Variants in RAB5IF observed in about 807,000 individuals in gnomAD.
The protein encoded by RAB5IF is RAB5 interacting factor, also known as GEL complex subunit OPTI.
Under a neutral mutation model 20.3 loss-of-function variants are expected in RAB5IF, and 15 were observed. The observed-to-expected ratio is 0.74, with a 90% CI of 0.50 to 1.14. The LOEUF is 1.14. RAB5IF is among the 50% of genes most tolerant of loss of function. RAB5IF has a pLI of 0.00. For synonymous variants in RAB5IF, 67 were observed against 63.7 expected (o/e 1.05, Z -0.25); for missense variants, 148 against 159.5 (o/e 0.93, Z 0.39).
intron 3 of RAB5IF, 150 bp from the exon 4 acceptor site, chr20:36,611,860 G>A (rs892925452): frequency 2.9e-6 from 3 of 1,020,422 alleles, no homozygotes; most frequent in Non-Finnish European, 4.4e-6. Context: ...CGTGATTTCA[G>A]TGAAATAATT....
At chr20:36,607,587 C>G (rs991600431) in intron 1 of RAB5IF, 128 bp from the exon 2 acceptor site, 2 of 1,028,358 alleles carry the variant, frequency 1.9e-6, no homozygotes, top group African/African-American at 3.2e-5. Context: ...ACAGGAAGCA[C>G]ATACTGTTGC....
chr20:36,609,204 C>T (rs1391103783), intron 2 of RAB5IF, among the ~76,000 whole-genome samples: 38 of 57,166 alleles, frequency 6.6e-4, no homozygotes, highest in Non-Finnish European at 1.1e-3. Context: ...CGCACACACG[C>T]ACACACGCAC....
chr20:36,607,067 C>T (rs1409891464), intron 1 of RAB5IF, among the ~76,000 whole-genome samples: 2 of 152,136 alleles, frequency 1.3e-5, no homozygotes, highest in African/African-American at 4.8e-5. Flanking sequence ...CCTGAGTCGT[C>T]TGTGTTCTTC....
At chr20:36,609,209 A>ACACACACACACC (rs2039031838) in intron 2 of RAB5IF, among the ~76,000 whole-genome samples, 1 of 63,918 alleles carries the variant, frequency 1.6e-5, no homozygotes, top group Non-Finnish European at 2.9e-5. Context: ...ACACGCACAC[A>ACACACACACACC]CGCACACACG....
chr20:36,608,850 C>T (rs138732544), intron 2 of RAB5IF, among the ~76,000 whole-genome samples: 2,866 of 152,022 alleles, frequency 0.019, 96 homozygotes, highest in African/African-American at 0.066. Context: ...TAGGCATGAG[C>T]CACCATGCCC....
intron 1 of RAB5IF, among the ~76,000 whole-genome samples, chr20:36,607,487 C>CCCAAAGTG (rs556961179): frequency 6.6e-6 from 1 of 152,142 alleles, no homozygotes; most frequent in Non-Finnish European, 1.5e-5. Context: ...GCCTCGGCCT[C>CCCAAAGTG]CCAAAGTGCT....
At position 36,612,324 on chromosome 20, in the gene RAB5IF, A is replaced by C. The variant is rs1228789064; in HGVS notation, c.*273A>C. The C allele has an allele frequency of 3.6e-6, 4 of 1,100,948 alleles. No homozygotes were observed. Among genetic ancestry groups the C allele is most frequent in the African/African-American group, 1.6e-5 (1 of 64,374 alleles). The allele number at this position is 1,100,948 out of a possible 1,614,324, so 68.2% of individuals were successfully genotyped here. A position where few individuals can be genotyped will look rare whatever the true frequency, so the allele number is the denominator to read the frequency against. The stretch of plus-strand genomic sequence containing the variant: ...CATCAAGTAACAGCTATTATTTGCC[A>C]AGTGGAGCTGTCATTTAATTTGATG... On this transcript the variant is annotated 3_prime_UTR_variant, in exon 4 of 4. Transcript: ENST00000344795.
chr20:36,607,320 C>T (rs1172147029), intron 1 of RAB5IF, among the ~76,000 whole-genome samples: 1 of 151,154 alleles, frequency 6.6e-6, no homozygotes, highest in Non-Finnish European at 1.5e-5. Flanking sequence ...CCTCCACCTC[C>T]CAGGTTCAAG....
intron 3 of RAB5IF, among the ~76,000 whole-genome samples, chr20:36,611,589 T>TATG (rs1449301262): frequency 6.6e-6 from 1 of 151,370 alleles, no homozygotes; most frequent in Non-Finnish European, 1.5e-5. Context: ...GGGGCATCTA[T>TATG]ATGTTTTTTT....
At chr20:36,611,888 CTG>C (rs961200481) in intron 3 of RAB5IF, 120 bp from the exon 4 acceptor site, 13 of 1,281,060 alleles carry the variant, frequency 1.0e-5, no homozygotes, top group South Asian at 1.3e-5. Context: ...CCCAAGCAGA[CTG>C]TGCAACGGAT....
At chr20:36,608,007 C>G in intron 2 of RAB5IF, 189 bp downstream of exon 2, 1 of 1,462,270 alleles carries the variant, frequency 6.8e-7, no homozygotes, top group Non-Finnish European at 9.1e-7. Flanking sequence ...TCAGGTCAGG[C>G]AGGTTACCTT....
At chr20:36,606,214 G>A (rs1040722031) in intron 1 of RAB5IF, 149 bp downstream of exon 1, 4 of 460,098 alleles carry the variant, frequency 8.7e-6, no homozygotes, top group Non-Finnish European at 1.5e-5. Flanking sequence ...GAGCAAACTT[G>A]GCGGGCACTG....
intron 1 of RAB5IF, 147 bp from the exon 2 acceptor site, chr20:36,607,568 A>G: frequency 2.4e-6 from 2 of 825,500 alleles, no homozygotes; most frequent in East Asian, 2.9e-5. Flanking sequence ...AGTATAAGTA[A>G]GAGGTGAAAC....
intron 3 of RAB5IF, among the ~76,000 whole-genome samples, chr20:36,611,150 C>T (rs1055273756): frequency 2.6e-5 from 4 of 151,934 alleles, no homozygotes; most frequent in Non-Finnish European, 4.4e-5. Context: ...CCACCATGCC[C>T]GGATATTTTT....
chr20:36,612,443 G>A lies in RAB5IF; in HGVS notation c.*392G>A, dbSNP rs1197610374. The A allele has an allele frequency of 3.4e-6, 2 of 591,484 alleles. No homozygotes were observed. The highest frequency in any genetic ancestry group is 6.0e-6 in the Non-Finnish European group (2 of 333,050). The allele number at this position is 591,484 out of a possible 1,614,324, so 36.6% of individuals were successfully genotyped here. A position where few individuals can be genotyped will look rare whatever the true frequency, so the allele number is the denominator to read the frequency against. ...CTATCAATGGCATTTCAAGTCTTCT[G>A]AAACAGCATGGCTGTATGTGCGTGG... is the stretch of plus-strand genomic sequence containing the variant. On this transcript the variant is annotated 3_prime_UTR_variant, in exon 4 of 4. Coordinates refer to ENST00000344795, the MANE Select transcript of RAB5IF (RefSeq NM_018840.5).
At chr20:36,608,761 C>T (rs1035572899) in intron 2 of RAB5IF, among the ~76,000 whole-genome samples, 9 of 151,512 alleles carry the variant, frequency 5.9e-5, no homozygotes, top group African/African-American at 2.2e-4. Flanking sequence ...GACGGGGTTT[C>T]GCCATGTTGG....
chr20:36,607,439 G>C (rs1323472086), intron 1 of RAB5IF, among the ~76,000 whole-genome samples: 1 of 151,702 alleles, frequency 6.6e-6, no homozygotes, highest in Non-Finnish European at 1.5e-5. Flanking sequence ...CATGTTGGCC[G>C]GGCTGGTCTT....
chr20:36,611,493 C>CAA (rs60975859), intron 3 of RAB5IF, among the ~76,000 whole-genome samples: 143 of 46,194 alleles, frequency 3.1e-3, no homozygotes, highest in African/African-American at 4.0e-3. Flanking sequence ...CAGCAGGACT[C>CAA]AAAAAAAAAA....
chr20:36,609,560 G>A (rs368149020), intron 2 of RAB5IF, 41 bp from the exon 3 acceptor site: 14 of 1,541,564 alleles, frequency 9.1e-6, no homozygotes, highest in Non-Finnish European at 1.2e-5. Flanking sequence ...AGTCTTCTAA[G>A]CTTTCAATTT....
Sources: allele counts gnomAD v4.1 joint callset (sites outside exome capture counted in the v4.1 genomes callset), GRCh38; gene constraint gnomAD v4.1.1; transcripts MANE v1.5; gene names NCBI Gene and HGNC (gene_info 2026-07-23, HGNC 2026-07-21).